Variants in HEMK2 observed in about 807,000 individuals in gnomAD.
HEMK2 encodes methyltransferase HEMK2.
the HEMK2 span, among the ~76,000 whole-genome samples, chr21:28,741,135 T>C: frequency 1.3e-5 from 2 of 152,044 alleles, no homozygotes; most frequent in Non-Finnish European, 1.5e-5. Flanking sequence ...ATTCCTAAAG[T>C]CAAATCAAAT....
At chr21:28,649,522 T>C in the HEMK2 span, among the ~76,000 whole-genome samples, 1 of 152,224 alleles carries the variant, frequency 6.6e-6, no homozygotes, top group Non-Finnish European at 1.5e-5. Context: ...AAGTAGAGTA[T>C]ATTCTAGTTC....
chr21:28,678,457 T>A, the HEMK2 span, among the ~76,000 whole-genome samples: 1 of 152,112 alleles, frequency 6.6e-6, no homozygotes, highest in African/African-American at 2.4e-5. Flanking sequence ...GGAACCAAGC[T>A]GGAAAACACT....
the HEMK2 span, among the ~76,000 whole-genome samples, chr21:28,802,873 T>C: frequency 1.3e-5 from 2 of 152,266 alleles, no homozygotes; most frequent in African/African-American, 4.8e-5. Context: ...GTCTTATGAC[T>C]GATCAACAAA....
chr21:28,711,208 T>C, the HEMK2 span, among the ~76,000 whole-genome samples: 203 of 152,326 alleles, frequency 1.3e-3, 1 homozygote, highest in Non-Finnish European at 2.0e-3. Context: ...AAATACTATG[T>C]CCTCTTAATT....
chr21:28,635,087 T>C, the HEMK2 span, among the ~76,000 whole-genome samples: 1 of 150,188 alleles, frequency 6.7e-6, no homozygotes, highest in Non-Finnish European at 1.5e-5. Flanking sequence ...GATCTATGTG[T>C]TTAATGTCCT....
the HEMK2 span, among the ~76,000 whole-genome samples, chr21:28,870,217 G>C: frequency 6.6e-6 from 1 of 152,130 alleles, no homozygotes; most frequent in East Asian, 1.9e-4. Flanking sequence ...AAAAAGTATG[G>C]ACTTTACACA....
At chr21:28,617,695 G>T in the HEMK2 span, among the ~76,000 whole-genome samples, 4 of 143,722 alleles carry the variant, frequency 2.8e-5, no homozygotes, top group African/African-American at 1.2e-4. Context: ...TATTTCTAAA[G>T]GTCATAAATT....
the HEMK2 span, among the ~76,000 whole-genome samples, chr21:28,659,715 C>T: frequency 6.6e-6 from 1 of 152,072 alleles, no homozygotes; most frequent in Admixed American, 6.6e-5. Flanking sequence ...TTATTTTCCA[C>T]AATCCACTAA....
At chr21:28,730,651 T>A in the HEMK2 span, among the ~76,000 whole-genome samples, 1 of 151,792 alleles carries the variant, frequency 6.6e-6, no homozygotes, top group East Asian at 2.0e-4. Flanking sequence ...GAGACGTGAG[T>A]CCTTGCTATG....
the HEMK2 span, among the ~76,000 whole-genome samples, chr21:28,869,383 T>TC: frequency 5.9e-5 from 9 of 151,804 alleles, no homozygotes; most frequent in Non-Finnish European, 1.0e-4. Flanking sequence ...TTTTCTTCTT[T>TC]TTTCCTCTAT....
chr21:28,822,751 A>G, the HEMK2 span, among the ~76,000 whole-genome samples: 1 of 152,290 alleles, frequency 6.6e-6, no homozygotes, highest in Non-Finnish European at 1.5e-5. Context: ...GCATCAACAA[A>G]GCTCTGTGCC....
the HEMK2 span, among the ~76,000 whole-genome samples, chr21:28,661,582 T>C: frequency 6.6e-6 from 1 of 151,932 alleles, no homozygotes; most frequent in Non-Finnish European, 1.5e-5. Context: ...ATATATATGT[T>C]CTCTTTTCTT....
At chr21:28,789,599 G>A in the HEMK2 span, among the ~76,000 whole-genome samples, 2 of 152,176 alleles carry the variant, frequency 1.3e-5, no homozygotes, top group Non-Finnish European at 2.9e-5. Flanking sequence ...ATTCTTTCTA[G>A]AGTGGATTCT....
the HEMK2 span, among the ~76,000 whole-genome samples, chr21:28,700,508 T>A: frequency 6.6e-6 from 1 of 152,150 alleles, no homozygotes; most frequent in Admixed American, 6.5e-5. Flanking sequence ...CTTCAGAGAC[T>A]ACTATGAACA....
the HEMK2 span, among the ~76,000 whole-genome samples, chr21:28,675,316 A>G: frequency 6.6e-6 from 1 of 152,250 alleles, no homozygotes; most frequent in African/African-American, 2.4e-5. Flanking sequence ...AAAAGATAAT[A>G]AATGAATACA....
chr21:28,824,497 T>C, the HEMK2 span, among the ~76,000 whole-genome samples: 1 of 152,212 alleles, frequency 6.6e-6, no homozygotes, highest in Non-Finnish European at 1.5e-5. Context: ...ATAATTTCAT[T>C]TGTCTTCAAT....
chr21:28,772,712 A>G, the HEMK2 span, among the ~76,000 whole-genome samples: 5 of 152,280 alleles, frequency 3.3e-5, no homozygotes, highest in East Asian at 9.7e-4. Flanking sequence ...TAATTCAGAT[A>G]CCAATTCCTC....
At chr21:28,754,427 G>A in the HEMK2 span, among the ~76,000 whole-genome samples, 2 of 152,178 alleles carry the variant, frequency 1.3e-5, no homozygotes, top group Non-Finnish European at 2.9e-5. Flanking sequence ...ACATACCAAA[G>A]GCCAGGAATT....
the HEMK2 span, among the ~76,000 whole-genome samples, chr21:28,863,890 C>T: frequency 2.0e-5 from 3 of 152,162 alleles, no homozygotes; most frequent in African/African-American, 7.2e-5. Flanking sequence ...TGCAGTGGCA[C>T]GATCTTGGCT....
Sources: gnomAD v4.1 joint callset for allele counts (sites outside exome capture counted in the v4.1 genomes callset) on GRCh38, gnomAD v4.1.1 for gene constraint, MANE v1.5 for transcripts, NCBI Gene and HGNC (gene_info 2026-07-23, HGNC 2026-07-21) for gene names.